SGK2: variants seen among roughly 807,000 people sequenced by gnomAD.
The protein encoded by SGK2 is serum/glucocorticoid regulated kinase 2.
SGK2 carries 36 observed loss-of-function variants against 47.5 expected under a neutral mutation model. That is an observed-to-expected ratio of 0.76 (90% CI 0.58 to 1.00). The LOEUF is 1.00. SGK2 is among the 50% of genes least tolerant of loss of function. The pLI is 0.00. For missense variants in SGK2, 404 were observed against 467.4 expected (o/e 0.86, Z 1.25); for synonymous variants, 157 against 181.9 (o/e 0.86, Z 1.10).
intron 12 of SGK2, chr20:43,583,166 G>A: frequency 7.8e-7 from 1 of 1,277,630 alleles, no homozygotes; most frequent in Non-Finnish European, 1.0e-6. Flanking sequence ...CTTGTCTTTG[G>A]GCACTGGATC....
intron 11 of SGK2, among the ~76,000 whole-genome samples, chr20:43,577,263 T>G (rs2145553633): frequency 6.6e-6 from 1 of 152,006 alleles, no homozygotes; most frequent in South Asian, 2.1e-4. Context: ...TAGGGTGTTT[T>G]GAGCAGAGGT....
At position 43,566,277 on chromosome 20, in the gene SGK2, G is replaced by A. The variant is rs756409875; in HGVS notation, c.-23-196G>A. The A allele has an allele frequency of 5.4e-6, 8 of 1,479,378 alleles. No homozygotes were observed. In the South Asian group the frequency reaches 8.6e-5, roughly 16 times the overall value. 91.6% of individuals were successfully genotyped at this position (1,479,378 alleles called of 1,614,324 possible). On this transcript the variant is annotated intron_variant, in intron 1 of 12. Coordinates refer to ENST00000373100, the MANE Select transcript of SGK2 (RefSeq NM_170693.3). Reference sequence around the variant, plus strand: ...TTATCCCTTCTGAGATGTTTGTTAGGAAGTCTGGGTCCAGGGGATATCATT... The same window carrying A: ...TTATCCCTTCTGAGATGTTTGTTAGAAAGTCTGGGTCCAGGGGATATCATT...
chr20:43,570,149 C>T (rs554488480), intron 6 of SGK2, among the ~76,000 whole-genome samples: 139 of 152,304 alleles, frequency 9.1e-4, no homozygotes, highest in African/African-American at 3.3e-3. Context: ...TGGATCTAAC[C>T]TGAGCTCAGT....
At chr20:43,568,487 C>CT (rs971411704) in intron 5 of SGK2, among the ~76,000 whole-genome samples, 12 of 151,380 alleles carry the variant, frequency 7.9e-5, no homozygotes, top group African/African-American at 1.2e-4. Flanking sequence ...TCATGGACTT[C>CT]TTTTTTTGTT....
At chr20:43,583,988 A>G (rs1188074724) in intron 12 of SGK2, among the ~76,000 whole-genome samples, 2 of 151,704 alleles carry the variant, frequency 1.3e-5, no homozygotes, top group African/African-American at 4.8e-5. Context: ...TTTTGTTCGG[A>G]TTCTATGTGT....
Position 43,570,709 on chromosome 20 carries a change from C to T in SGK2, c.453C>T (p.His151=), listed in dbSNP as rs1318150819. ...AEVASAIGYL[H]SLNIIYRDLK... is the part of the protein sequence containing the mutation. ...TGGCCAGCGCCATTGGCTACCTGCACTCCCTCAACATCATTTACAGGTGAG... is the reference window on the plus strand; with the variant it reads ...TGGCCAGCGCCATTGGCTACCTGCATTCCCTCAACATCATTTACAGGTGAG... Residue 151 remains histidine, a synonymous_variant, in exon 7 of 13, where the codon CAC becomes CAT. Coordinates refer to ENST00000373100, the MANE Select transcript of SGK2 (RefSeq NM_170693.3). 1 of 1,613,096 alleles carries T rather than the reference C, an allele frequency of 6.2e-7. No homozygotes were observed. The highest frequency in any genetic ancestry group is 2.2e-5 in the East Asian group (1 of 44,868).
chr20:43,566,501 C>CTCTA lies in SGK2; in HGVS notation c.7_10dup (p.Ser4IlefsTer2). On this transcript the variant is annotated frameshift_variant, in exon 2 of 13. Coordinates refer to ENST00000373100, the MANE Select transcript of SGK2 (RefSeq NM_170693.3). LOFTEE classifies it high-confidence loss of function. ...TGCCTGATCATTGCTACAGAATGAA[C>CTCTA]TCTAGCCCAGCTGGGACCCCAAGTC... 1 of 1,613,894 alleles carries CTCTA rather than the reference C, an allele frequency of 6.2e-7. No individual in the cohort carries two copies. Among genetic ancestry groups the CTCTA allele is most frequent in the Non-Finnish European group, 8.5e-7 (1 of 1,179,924 alleles).
chr20:43,576,449 C>G, intron 11 of SGK2, 70 bp downstream of exon 11: 1 of 1,347,952 alleles, frequency 7.4e-7, no homozygotes, highest in Non-Finnish European at 1.0e-6. Context: ...AGCTCAGAAG[C>G]ACATTAACAC....
chr20:43,566,359 G>A, intron 1 of SGK2, 114 bp from the exon 2 acceptor site: 1 of 1,613,808 alleles, frequency 6.2e-7, no homozygotes, highest in Non-Finnish European at 8.5e-7. Flanking sequence ...TCAGGCGGTG[G>A]CAGGTGCACA....
At chr20:43,567,239 C>G in intron 3 of SGK2, 122 bp downstream of exon 3, 1 of 809,576 alleles carries the variant, frequency 1.2e-6, no homozygotes, top group South Asian at 1.5e-5. Flanking sequence ...CATCTGGGCC[C>G]AGGACCTTTC....
chr20:43,573,912 C>T (rs2145547978), intron 9 of SGK2, among the ~76,000 whole-genome samples: 1 of 152,162 alleles, frequency 6.6e-6, no homozygotes, highest in East Asian at 1.9e-4. Context: ...GACATGTGGC[C>T]CCAACACATC....
chr20:43,572,234 T>G lies in SGK2; in HGVS notation c.597+97T>G. 1.1e-6 allele frequency: 1 copy of G among 897,058 alleles called. No homozygotes were observed. Among genetic ancestry groups the G allele is most frequent in the Non-Finnish European group, 1.8e-6 (1 of 561,266 alleles). The allele number at this position is 897,058 out of a possible 1,614,324, so 55.6% of individuals were successfully genotyped here. ...GGTTACAGTGAAGGGGACTCACTCC[T>G]TTGACCCAAACACTTCTCCTGAGTG... On this transcript the variant is annotated intron_variant, in intron 9 of 12. Coordinates refer to ENST00000373100, the MANE Select transcript of SGK2 (RefSeq NM_170693.3). This position sits in a 1 kb window ranked among gnomAD's most constrained non-coding sequence, Gnocchi z 4.2.
chr20:43,569,352 G>A (rs747291433), intron 5 of SGK2, 33 bp from the exon 6 acceptor site: 3 of 1,610,932 alleles, frequency 1.9e-6, no homozygotes, highest in East Asian at 4.5e-5. Flanking sequence ...GTTGTGGGCT[G>A]TGACATGGAC....
chr20:43,583,877 G>A (rs374296573), intron 12 of SGK2, among the ~76,000 whole-genome samples: 73 of 152,328 alleles, frequency 4.8e-4, no homozygotes, highest in African/African-American at 1.6e-3. Context: ...TGGGAGGCTC[G>A]CTTGAGCCTG....
chr20:43,561,669 G>A (rs1301115994), intron 1 of SGK2, among the ~76,000 whole-genome samples: 1 of 152,058 alleles, frequency 6.6e-6, no homozygotes, highest in Non-Finnish European at 1.5e-5. Flanking sequence ...TTACAGGTGT[G>A]AGCCACCGCG....
rs1376129286 is a variant in SGK2 at position 43,576,351 on chromosome 20, G to A, written c.821G>A (p.Arg274Lys). The A allele has an allele frequency of 1.2e-6, 2 of 1,614,090 alleles. No individual in the cohort carries two copies. Among genetic ancestry groups the A allele is most frequent in the Non-Finnish European group, 1.7e-6 (2 of 1,180,034 alleles). ...CAAAGCCTTCTCCACAAGGACCAGAGGCAGCGGCTGGGCTCCAAAGCAGAC... is the reference window on the plus strand; with the variant it reads ...CAAAGCCTTCTCCACAAGGACCAGAAGCAGCGGCTGGGCTCCAAAGCAGAC... The part of the protein sequence containing the change: ...LLQSLLHKDQ[R>K]QRLGSKADFL... The change falls in exon 11 of 13, where the codon AGG (arginine) becomes AAG (lysine). Residue 274 changes from arginine (R) to lysine (K), a missense_variant. Transcript: ENST00000373100.
rs1489482120 is a variant in SGK2, at chr20:43,572,175, T to G, written c.597+38T>G. 3 of 1,449,692 alleles carry G rather than the reference T, an allele frequency of 2.1e-6. No individual in the cohort carries two copies. The highest frequency in any genetic ancestry group is 2.4e-5 in the South Asian group (2 of 82,008). 89.8% of individuals were successfully genotyped at this position (1,449,692 alleles called of 1,614,324 possible). A position where few individuals can be genotyped will look rare whatever the true frequency, so the allele number is the denominator to read the frequency against. ...ATCCCAGGAGAGGGGAGGTCATGAG[T>G]GGGTGAGGCCACAGCTCCTGATTAG... On this transcript the variant is annotated intron_variant, in intron 9 of 12. Coordinates refer to ENST00000373100, the MANE Select transcript of SGK2 (RefSeq NM_170693.3). This position sits in a 1 kb window ranked among gnomAD's most constrained non-coding sequence, Gnocchi z 4.2.
Position 43,567,903 on chromosome 20 carries a change from T to C in SGK2, c.145-13T>C. 6.2e-7 allele frequency: 1 copy of C among 1,613,446 alleles called. No homozygotes were observed. The highest frequency in any genetic ancestry group is 1.1e-5 in the South Asian group (1 of 91,066). ...AGTCACCTACAGGGCCTCAAATTCA[T>C]GTTTCTTCTCAGGTCCTACTGGCCA... On this transcript the variant is annotated splice_polypyrimidine_tract_variant and intron_variant, in intron 4 of 12. Transcript: ENST00000373100.
chr20:43,581,941 T>C (rs944960852), intron 12 of SGK2, among the ~76,000 whole-genome samples: 5 of 152,282 alleles, frequency 3.3e-5, no homozygotes, highest in African/African-American at 1.2e-4. Context: ...CTCTGAAGCA[T>C]GTGTGGTTAT....
Sources: allele counts gnomAD v4.1 joint callset (sites outside exome capture counted in the v4.1 genomes callset), GRCh38; gene constraint gnomAD v4.1.1; non-coding constraint Gnocchi (gnomAD v3.1); transcripts MANE v1.5; gene names NCBI Gene and HGNC (gene_info 2026-07-23, HGNC 2026-07-21).